Variants in PDE3A observed in about 807,000 individuals in gnomAD.
PDE3A encodes the protein cGMP-inhibited 3',5'-cyclic phosphodiesterase 3A.
A neutral mutation model predicts 98.3 loss-of-function variants in PDE3A; 43 were observed. The ratio of observed to expected loss-of-function variants is 0.44; its 90% CI spans 0.34 to 0.56. The LOEUF (loss-of-function observed/expected upper bound fraction) is 0.56. PDE3A is among the 20% of genes least tolerant of loss of function. The probability of loss-of-function intolerance (pLI) is 0.01; values close to 1 mark genes in which losing one functional copy is unlikely to be tolerated. For missense variants in PDE3A, 1,427 were observed against 1,440.7 expected, an observed-to-expected ratio of 0.99 and a Z score of 0.15; for synonymous variants, 663 against 567.9, an observed-to-expected ratio of 1.17 and a Z score of -2.38.
intron 1 of PDE3A, among the ~76,000 whole-genome samples, chr12:20,482,628 A>G (rs965093189): frequency 1.3e-5 from 2 of 152,232 alleles, no homozygotes; most frequent in Admixed American, 6.5e-5. Flanking sequence ...AGAGATAAGC[A>G]CTTCTCAACT....
rs79362847 is a variant in PDE3A, at chr12:20,667,440, T to A, written c.3185-12590T>A. Among the ~76,000 whole-genome samples the A allele has an allele frequency of 4.9e-4, 75 of 152,312 alleles. 2 individuals carry two copies. In the East Asian group the frequency reaches 0.01, roughly 20 times the overall value. ...CTTAAGTCTTTAATCTATCTTGAGT[T>A]GATTTTTGTATATAGTGAGAAATGG... On this transcript the variant is annotated intron_variant, in intron 15 of 15. Transcript: ENST00000359062.
intron 5 of PDE3A, among the ~76,000 whole-genome samples, chr12:20,629,067 G>T (rs893775016): frequency 6.6e-6 from 1 of 152,170 alleles, no homozygotes; most frequent in Non-Finnish European, 1.5e-5. Context: ...CAGTAAGCAG[G>T]TTGTTAGGCA....
chr12:20,377,335 C>T (rs1195150476), intron 1 of PDE3A, among the ~76,000 whole-genome samples: 3 of 151,712 alleles, frequency 2.0e-5, no homozygotes, highest in Non-Finnish European at 4.4e-5. Context: ...TAATAATATG[C>T]TTTATTTAAC....
intron 2 of PDE3A, among the ~76,000 whole-genome samples, chr12:20,599,573 A>G (rs1398000221): frequency 6.6e-6 from 1 of 152,104 alleles, no homozygotes; most frequent in East Asian, 1.9e-4. Context: ...CTCACCTATA[A>G]ATCTGTATTC....
At chr12:20,616,462 G>A (rs1944010650) in intron 4 of PDE3A, 78 bp downstream of exon 4, 1 of 1,401,618 alleles carries the variant, frequency 7.1e-7, no homozygotes, top group Admixed American at 1.9e-5. Flanking sequence ...TACAGGAGAA[G>A]GAAGGCTAAC....
intron 6 of PDE3A, among the ~76,000 whole-genome samples, chr12:20,631,942 G>T (rs1175931276): frequency 1.7e-5 from 1 of 58,670 alleles, no homozygotes; most frequent in Non-Finnish European, 3.6e-5. Flanking sequence ...TAATTGTTGT[G>T]GTTTCCCCCT....
At position 20,629,181 on chromosome 12, in the gene PDE3A, G is replaced by A. The variant is rs572133361; in HGVS notation, c.1541-727G>A. Among the ~76,000 whole-genome samples, 7 of 152,236 alleles carry A rather than the reference G, an allele frequency of 4.6e-5. No individual in the cohort carries two copies. In the East Asian group the frequency reaches 9.6e-4, roughly 21 times the overall value. On this transcript the variant is annotated intron_variant, in intron 5 of 15. Transcript: ENST00000359062. Reference sequence around the variant, plus strand: ...ATCGTCCTGGTCTTCCAACAGCCACGTTTTGAAATCTAAGCCAGTATCCTG... The same window carrying A: ...ATCGTCCTGGTCTTCCAACAGCCACATTTTGAAATCTAAGCCAGTATCCTG...
intron 10 of PDE3A, 38 bp downstream of exon 10, chr12:20,639,995 T>G: frequency 1.0e-6 from 1 of 962,242 alleles, no homozygotes; most frequent in Non-Finnish European, 1.7e-6. Context: ...ACTTTTAAAA[T>G]ATGTCGAATT....
intron 15 of PDE3A, among the ~76,000 whole-genome samples, chr12:20,672,898 C>T (rs1218632142): frequency 7.0e-6 from 1 of 142,316 alleles, no homozygotes; most frequent in Non-Finnish European, 1.5e-5. Flanking sequence ...AAACTACCAT[C>T]AGAGTGAACA....
chr12:20,514,386 T>G (rs906902602), intron 1 of PDE3A, among the ~76,000 whole-genome samples: 1 of 152,238 alleles, frequency 6.6e-6, no homozygotes, highest in Non-Finnish European at 1.5e-5. Context: ...GTCATTGATC[T>G]CAAATCCATG....
chr12:20,526,221 C>A (rs73233935), intron 1 of PDE3A, among the ~76,000 whole-genome samples: 1 of 152,094 alleles, frequency 6.6e-6, no homozygotes, highest in Admixed American at 6.5e-5. Context: ...TATTGTTCCT[C>A]AATAAAATTA....
intron 1 of PDE3A, among the ~76,000 whole-genome samples, chr12:20,478,214 C>T (rs186329652): frequency 6.7e-4 from 102 of 152,156 alleles, no homozygotes; most frequent in African/African-American, 2.3e-3. Flanking sequence ...GACAGCTTGT[C>T]CCATGTAGGG....
At chr12:20,386,131 AAATATATATAAAT>A (rs1565532597) in intron 1 of PDE3A, among the ~76,000 whole-genome samples, 50 of 77,288 alleles carry the variant, frequency 6.5e-4, no homozygotes, top group African/African-American at 2.5e-3. Flanking sequence ...AAATATATAT[AAATATATATAAAT>A]ATATATATAA....
chr12:20,404,155 G>T (rs1158445520), intron 1 of PDE3A, among the ~76,000 whole-genome samples: 1 of 152,106 alleles, frequency 6.6e-6, no homozygotes, highest in Non-Finnish European at 1.5e-5. Context: ...CTAAAATAGA[G>T]CATAATCATA....
chr12:20,502,599 A>G (rs1946043527), intron 1 of PDE3A, among the ~76,000 whole-genome samples: 1 of 152,172 alleles, frequency 6.6e-6, no homozygotes. Context: ...AGCAAATAGA[A>G]TGCATGTGTA....
At chr12:20,521,311 G>T (rs1946421213) in intron 1 of PDE3A, among the ~76,000 whole-genome samples, 1 of 152,104 alleles carries the variant, frequency 6.6e-6, no homozygotes, top group Admixed American at 6.5e-5. Flanking sequence ...TTTGTGGTAC[G>T]AAAGAGGAGT....
At chr12:20,506,691 G>T (rs978712976) in intron 1 of PDE3A, among the ~76,000 whole-genome samples, 1 of 152,132 alleles carries the variant, frequency 6.6e-6, no homozygotes, top group Non-Finnish European at 1.5e-5. Context: ...TGTGCATCTT[G>T]TGTAACTATG....
intron 1 of PDE3A, among the ~76,000 whole-genome samples, chr12:20,386,014 ATAAAATATATATATAAATATATAT>A (rs1565532339): frequency 0.053 from 5,528 of 104,266 alleles, 297 homozygotes; most frequent in Non-Finnish European, 0.072. Flanking sequence ...ATAAATATAT[ATAAAATATATATATAAATATATAT>A]AAAATATATA....
At chr12:20,531,967 A>T (rs944397526) in intron 1 of PDE3A, among the ~76,000 whole-genome samples, 2 of 150,826 alleles carry the variant, frequency 1.3e-5, no homozygotes, top group East Asian at 3.9e-4. Context: ...AATATATCTT[A>T]TGTCCTGTGT....
Sources: allele counts gnomAD v4.1 joint callset (sites outside exome capture counted in the v4.1 genomes callset), GRCh38; gene constraint gnomAD v4.1.1; transcripts MANE v1.5; gene names NCBI Gene and HGNC (gene_info 2026-07-23, HGNC 2026-07-21).